The following DIAPH3 variants were observed in gnomAD, a reference collection of about 807,000 sequenced individuals.
The protein encoded by DIAPH3 is diaphanous related formin 3.
DIAPH3 carries 117 observed loss-of-function variants against 144.3 expected under a neutral mutation model. The ratio of observed to expected loss-of-function variants is 0.81; its 90% CI spans 0.70 to 0.95. DIAPH3 has a LOEUF of 0.95. DIAPH3 is among the 40% of genes least tolerant of loss of function. DIAPH3 has a pLI of 0.00. For synonymous variants in DIAPH3, 519 were observed against 488.9 expected, an observed-to-expected ratio of 1.06 and a Z score of -0.81; for missense variants, 1,421 against 1,412.7, an observed-to-expected ratio of 1.01 and a Z score of -0.09.
At chr13:59,834,213 G>A (rs193119459) in intron 23 of DIAPH3, among the ~76,000 whole-genome samples, 13 of 151,626 alleles carry the variant, frequency 8.6e-5, no homozygotes, top group Admixed American at 7.9e-4. Context: ...GTGGCAAATT[G>A]CTAATGCAGT....
chr13:60,107,580 G>A (rs1414520258), intron 3 of DIAPH3, among the ~76,000 whole-genome samples: 21 of 152,088 alleles, frequency 1.4e-4, no homozygotes, highest in African/African-American at 4.8e-4. Flanking sequence ...AAAAGCCAAT[G>A]TATGTATTAA....
At chr13:59,757,470 G>A (rs1283875248) in intron 27 of DIAPH3, among the ~76,000 whole-genome samples, 2 of 132,750 alleles carry the variant, frequency 1.5e-5, no homozygotes, top group Non-Finnish European at 3.1e-5. Flanking sequence ...GCGCAATCTC[G>A]GCTCACTGCA....
intron 12 of DIAPH3, among the ~76,000 whole-genome samples, chr13:59,990,138 A>T (rs1039876244): frequency 3.3e-5 from 5 of 151,926 alleles, no homozygotes; most frequent in African/African-American, 7.2e-5. Flanking sequence ...GGAGCAAATT[A>T]AAAAAATCAG....
intron 25 of DIAPH3, among the ~76,000 whole-genome samples, chr13:59,780,402 T>C (rs908729397): frequency 4.6e-5 from 7 of 152,188 alleles, no homozygotes; most frequent in South Asian, 2.1e-4. Flanking sequence ...TGATTTATAT[T>C]TACAGTATTC....
At chr13:59,818,707 AAG>A (rs1323828647) in intron 24 of DIAPH3, among the ~76,000 whole-genome samples, 5 of 151,756 alleles carry the variant, frequency 3.3e-5, no homozygotes, top group Non-Finnish European at 7.4e-5. Context: ...CATGTTTCTT[AAG>A]AAGTATTTTA....
At chr13:59,869,837 G>A (rs912290873) in intron 21 of DIAPH3, among the ~76,000 whole-genome samples, 1 of 151,896 alleles carries the variant, frequency 6.6e-6, no homozygotes, top group Admixed American at 6.6e-5. Context: ...CTTTAAACTG[G>A]GTTGTTTATT....
At position 59,830,636 on chromosome 13, in the gene DIAPH3, G is replaced by C. The variant is rs991730808; in HGVS notation, c.3027+2471C>G. 4.6e-5 allele frequency among the ~76,000 whole-genome samples: 7 copies of C among 151,560 alleles called. No individual in the cohort carries two copies. In the South Asian group the frequency reaches 6.2e-4, roughly 14 times the overall value. On this transcript the variant is annotated intron_variant, in intron 24 of 27. Coordinates refer to ENST00000400324, the MANE Select transcript of DIAPH3 (RefSeq NM_001042517.2). ...ACTATTTGCCCACATGAAATGCCAA[G>C]TTACCCACAGAATGCCAAAACCCTC...
At chr13:59,987,399 G>A (rs543538992) in intron 12 of DIAPH3, among the ~76,000 whole-genome samples, 8 of 144,862 alleles carry the variant, frequency 5.5e-5, no homozygotes, top group South Asian at 2.2e-4. Context: ...TGGGTGCAGC[G>A]CACCAGCATG....
chr13:59,752,993 T>C lies in DIAPH3; in HGVS notation c.3319+21196A>G, dbSNP rs900085976. On this transcript the variant is annotated intron_variant, in intron 27 of 27. Transcript: ENST00000400324. ...TTTTTAAAAGTAAACTCTTTATTAG[T>C]GGTAAGTAGCTACTAATGAAAATTA... Among the ~76,000 whole-genome samples, 9 of 152,308 alleles carry C rather than the reference T, an allele frequency of 5.9e-5. No individual in the cohort carries two copies. The South Asian group carries it at 1.9e-3, about 32-fold the overall frequency.
intron 17 of DIAPH3, among the ~76,000 whole-genome samples, chr13:59,966,770 C>T (rs2050070611): frequency 1.3e-5 from 2 of 152,126 alleles, no homozygotes; most frequent in Non-Finnish European, 2.9e-5. Flanking sequence ...CATTTAAATG[C>T]CTGGGATGGA....
chr13:59,672,606 AAT>A (rs1167215433), intron 27 of DIAPH3, among the ~76,000 whole-genome samples: 3 of 152,336 alleles, frequency 2.0e-5, no homozygotes, highest in African/African-American at 7.2e-5. Context: ...GTGTGTGACA[AAT>A]ATATGTTTTT....
intron 27 of DIAPH3, among the ~76,000 whole-genome samples, chr13:59,755,842 A>G (rs541137468): frequency 7.9e-5 from 12 of 152,274 alleles, no homozygotes; most frequent in African/African-American, 2.6e-4. Context: ...ATAGAGGATA[A>G]TATACAGGAT....
intron 27 of DIAPH3, among the ~76,000 whole-genome samples, chr13:59,767,401 G>A (rs185617829): frequency 6.6e-6 from 1 of 151,622 alleles, no homozygotes; most frequent in East Asian, 1.9e-4. Context: ...GTAATCAAAC[G>A]ACAAAATAAG....
At chr13:60,005,267 T>C (rs2052784285) in intron 9 of DIAPH3, among the ~76,000 whole-genome samples, 1 of 152,186 alleles carries the variant, frequency 6.6e-6, no homozygotes, top group Admixed American at 6.5e-5. Flanking sequence ...ATCCACATAA[T>C]GCATGATTAC....
intron 27 of DIAPH3, among the ~76,000 whole-genome samples, chr13:59,763,238 A>G (rs1428183986): frequency 6.6e-6 from 1 of 151,968 alleles, no homozygotes; most frequent in East Asian, 1.9e-4. Context: ...GTGTGTATAT[A>G]TATACACATA....
chr13:59,778,432 GCTAAATTAGCTAAATATATGTTGA>G (rs1394726536), intron 25 of DIAPH3, among the ~76,000 whole-genome samples: 12 of 152,262 alleles, frequency 7.9e-5, no homozygotes, highest in Admixed American at 6.5e-5. Flanking sequence ...ATATATGCTG[GCTAAATTAGCTAAATATATGTTGA>G]CTAAATTAGC....
intron 25 of DIAPH3, among the ~76,000 whole-genome samples, chr13:59,808,955 T>C (rs1025693014): frequency 6.6e-6 from 1 of 152,148 alleles, no homozygotes; most frequent in Admixed American, 6.5e-5. Flanking sequence ...TGTAAATAAA[T>C]TTGAGAAATA....
intron 27 of DIAPH3, among the ~76,000 whole-genome samples, chr13:59,679,443 C>T (rs2032821771): frequency 6.6e-6 from 1 of 152,166 alleles, no homozygotes. Context: ...CAAAGACCTG[C>T]TTCCAGTCTG....
chr13:59,698,106 A>G (rs1047747524), intron 27 of DIAPH3, among the ~76,000 whole-genome samples: 4 of 152,210 alleles, frequency 2.6e-5, no homozygotes, highest in African/African-American at 9.6e-5. Flanking sequence ...TAAACTAAAG[A>G]ATGCTTATTG....
Sources: allele counts gnomAD v4.1 joint callset (sites outside exome capture counted in the v4.1 genomes callset), GRCh38; gene constraint gnomAD v4.1.1; transcripts MANE v1.5; gene names NCBI Gene and HGNC (gene_info 2026-07-23, HGNC 2026-07-21).